The following SPON1 variants were observed in gnomAD, a reference collection of about 807,000 sequenced individuals.
SPON1 encodes the protein spondin-1.
SPON1 carries 52 observed loss-of-function variants against 111.7 expected under a neutral mutation model. The observed-to-expected ratio is 0.47, with a 90% CI of 0.37 to 0.59. SPON1 has a LOEUF of 0.59. SPON1 is among the 20% of genes least tolerant of loss of function. SPON1 has a pLI of 0.00. For synonymous variants in SPON1, 410 were observed against 395.8 expected (o/e 1.04, Z -0.43); for missense variants, 957 against 1,068.5 (o/e 0.90, Z 1.46).
chr11:14,214,386 G>A (rs193247918), intron 6 of SPON1, among the ~76,000 whole-genome samples: 3 of 152,242 alleles, frequency 2.0e-5, no homozygotes, highest in Non-Finnish European at 4.4e-5. Context: ...GCATAGATAG[G>A]TGGTTCCCTT....
intron 3 of SPON1, 133 bp downstream of exon 3, chr11:14,041,787 C>T: frequency 1.1e-6 from 1 of 927,494 alleles, no homozygotes; most frequent in Middle Eastern, 3.2e-4. Flanking sequence ...TCTGAATTCT[C>T]AATAGCACCA....
At chr11:13,963,268 C>G in intron 1 of SPON1, 126 bp downstream of exon 1, 1 of 658,140 alleles carries the variant, frequency 1.5e-6, no homozygotes, top group Non-Finnish European at 2.4e-6. Context: ...CGGCAAGGGC[C>G]CTTCTGTCCT....
chr11:14,110,069 G>A (rs1849216132), intron 5 of SPON1, among the ~76,000 whole-genome samples: 1 of 152,174 alleles, frequency 6.6e-6, no homozygotes, highest in Admixed American at 6.5e-5. Flanking sequence ...CAACAAAGCA[G>A]ATGCTCCTTC....
intron 2 of SPON1, among the ~76,000 whole-genome samples, chr11:13,994,985 A>G (rs138064101): frequency 6.6e-6 from 1 of 152,170 alleles, no homozygotes; most frequent in Non-Finnish European, 1.5e-5. Context: ...TCTTTCATTC[A>G]TTTGTTCATT....
intron 6 of SPON1, among the ~76,000 whole-genome samples, chr11:14,189,304 C>T (rs7480871): frequency 0.41 from 62,423 of 152,028 alleles, 12,983 homozygotes; most frequent in East Asian, 0.55. Flanking sequence ...AAGGATCAAA[C>T]ATTCTTTTCT....
At chr11:14,061,499 A>G (rs1354797561) in intron 3 of SPON1, among the ~76,000 whole-genome samples, 2 of 152,228 alleles carry the variant, frequency 1.3e-5, no homozygotes, top group Non-Finnish European at 2.9e-5. Context: ...ATTACTCTTA[A>G]TTAATTCTCC....
At chr11:14,011,228 A>G (rs1295413636) in intron 2 of SPON1, among the ~76,000 whole-genome samples, 1 of 152,170 alleles carries the variant, frequency 6.6e-6, no homozygotes, top group Non-Finnish European at 1.5e-5. Context: ...ACTGAAAACC[A>G]TGTTTCTACA....
Position 14,041,713 on chromosome 11 carries a change from G to C in SPON1, c.479+59G>C. On this transcript the variant is annotated intron_variant, in intron 3 of 15. Transcript: ENST00000576479. ...TCAAAGACTTTGTGGTGTGATTGCA[G>C]GGAAAAAAAAAAAAGTTCTTTACTG... The C allele has an allele frequency of 1.9e-6, 3 of 1,560,356 alleles. No homozygotes were observed. In the Middle Eastern group the frequency reaches 5.3e-4, roughly 274 times the overall value.
chr11:14,075,496 G>A, intron 4 of SPON1, 78 bp downstream of exon 4: 1 of 1,077,522 alleles, frequency 9.3e-7, no homozygotes, highest in Non-Finnish European at 1.4e-6. Flanking sequence ...CCTGCTGCAA[G>A]AATTAAGGCC....
intron 2 of SPON1, among the ~76,000 whole-genome samples, chr11:14,006,943 CAAA>C (rs1357996249): frequency 6.6e-6 from 1 of 152,156 alleles, no homozygotes; most frequent in Non-Finnish European, 1.5e-5. Context: ...TCCAGAAATT[CAAA>C]ATTCATCTCA....
At chr11:14,170,738 T>C (rs1370265675) in intron 6 of SPON1, among the ~76,000 whole-genome samples, 1 of 152,232 alleles carries the variant, frequency 6.6e-6, no homozygotes, top group Non-Finnish European at 1.5e-5. Flanking sequence ...CTTTTCTGCA[T>C]CTATTGAGAT....
At chr11:14,189,317 G>T (rs993180211) in intron 6 of SPON1, among the ~76,000 whole-genome samples, 7 of 152,130 alleles carry the variant, frequency 4.6e-5, no homozygotes, top group African/African-American at 1.7e-4. Context: ...TCTTTTCTTC[G>T]ATTCATCACC....
At position 13,963,049 on chromosome 11, in the gene SPON1, C is replaced by A; in HGVS notation, c.145C>A (p.Arg49Ser). 1.9e-6 allele frequency: 3 copies of A among 1,581,056 alleles called. No individual in the cohort carries two copies. Among genetic ancestry groups the A allele is most frequent in the South Asian group, 1.2e-5 (1 of 85,878 alleles). Residue 49 changes from arginine (R) to serine (S), a missense_variant, in exon 1 of 16, where the codon CGC (arginine) becomes AGC (serine). Transcript: ENST00000576479. The stretch of plus-strand genomic sequence containing the variant: ...AGAGGGCTACTGCAGCCGTATCCTG[C>A]GCGCCCAGGGCACGCGGCGCGAGGG... ...KSEGYCSRIL[R>S]AQGTRREGYT...
At chr11:13,995,787 G>A (rs1230402136) in intron 2 of SPON1, among the ~76,000 whole-genome samples, 2 of 152,216 alleles carry the variant, frequency 1.3e-5, no homozygotes, top group African/African-American at 4.8e-5. Flanking sequence ...TAGATATTAG[G>A]GTGGCCTCCT....
intron 5 of SPON1, among the ~76,000 whole-genome samples, chr11:14,080,754 C>G (rs1040054291): frequency 2.0e-5 from 3 of 152,230 alleles, no homozygotes; most frequent in South Asian, 4.1e-4. Context: ...AGTCAGCATG[C>G]CTTTTTTTTA....
chr11:13,992,197 T>C (rs1299223250), intron 2 of SPON1, among the ~76,000 whole-genome samples: 1 of 152,168 alleles, frequency 6.6e-6, no homozygotes, highest in Non-Finnish European at 1.5e-5. Context: ...CCCAGGAAGA[T>C]GGGGTTTTTA....
chr11:13,972,397 A>G (rs1256493136), intron 1 of SPON1, among the ~76,000 whole-genome samples: 1 of 152,226 alleles, frequency 6.6e-6, no homozygotes. Flanking sequence ...GTTAGATTTA[A>G]TCCAGCATGT....
At position 14,160,523 on chromosome 11, in the gene SPON1, ACATATATATATT is replaced by A. The variant is rs1835334206; in HGVS notation, c.825+24956_825+24967del. 8.9e-4 allele frequency among the ~76,000 whole-genome samples: 5 copies of A among 5,612 alleles called. 1 individual carries two copies. The highest frequency in any genetic ancestry group is 1.4e-3 in the African/African-American group (2 of 1,464). 3.7% of individuals were successfully genotyped at this position (5,612 alleles called of 152,430 possible). ...CATATATATATTTATATATATATTT[ACATATATATATT>A]TATATATATATTTATATATATATTT... On this transcript the variant is annotated intron_variant, in intron 6 of 15. Coordinates refer to ENST00000576479, the MANE Select transcript of SPON1 (RefSeq NM_006108.4).
intron 5 of SPON1, among the ~76,000 whole-genome samples, chr11:14,105,694 CATG>C (rs1849179112): frequency 6.6e-6 from 1 of 152,088 alleles, no homozygotes; most frequent in South Asian, 2.1e-4. Flanking sequence ...TTGAGTTTCT[CATG>C]ATGATATGGC....
Sources: gnomAD v4.1 joint callset for allele counts (sites outside exome capture counted in the v4.1 genomes callset) on GRCh38, gnomAD v4.1.1 for gene constraint, MANE v1.5 for transcripts, NCBI Gene and HGNC (gene_info 2026-07-23, HGNC 2026-07-21) for gene names.